NRXN3: variants seen among roughly 807,000 people sequenced by gnomAD.
NRXN3 encodes neurexin 3, also known as neurexin III.
In NRXN3, 32 loss-of-function variants were observed where a neutral mutation model predicts 137.6. That is an observed-to-expected ratio of 0.23 (90% CI 0.18 to 0.31). The LOEUF is 0.31. NRXN3 is among the 10% of genes least tolerant of loss of function. NRXN3 has a pLI of 1.00. For missense variants in NRXN3, 1,574 were observed against 2,062.5 expected, an observed-to-expected ratio of 0.76 and a Z score of 4.59; for synonymous variants, 798 against 784.5, an observed-to-expected ratio of 1.02 and a Z score of -0.29.
chr14:79,661,504 C>T (rs2098533565), intron 16 of NRXN3, among the ~76,000 whole-genome samples: 1 of 152,118 alleles, frequency 6.6e-6, no homozygotes, highest in Admixed American at 6.6e-5. Context: ...GGAAAGCCTT[C>T]ATTTTGGGAA....
At chr14:79,054,952 T>C (rs1040922599) in intron 15 of NRXN3, among the ~76,000 whole-genome samples, 33 of 152,202 alleles carry the variant, frequency 2.2e-4, no homozygotes, top group African/African-American at 7.7e-4. Context: ...TCAGTTAAAG[T>C]GGATGTTGTA....
rs77041468 is a variant in NRXN3, at chr14:79,327,236, C to T, written c.3263-139985C>T. 6.0e-3 allele frequency among the ~76,000 whole-genome samples: 914 copies of T among 152,224 alleles called. 6 individuals carry two copies. The highest frequency in any genetic ancestry group is 0.01 in the Non-Finnish European group (711 of 68,006). On this transcript the variant is annotated intron_variant, in intron 15 of 20. Transcript: ENST00000335750. ...GCATTTGCAGCTCCCCCAGAAATGC[C>T]GTAGCTTGGAGGAGCCTATTACTCA...
chr14:79,358,665 G>GA (rs760864782), intron 15 of NRXN3, among the ~76,000 whole-genome samples: 1 of 149,936 alleles, frequency 6.7e-6, no homozygotes, highest in African/African-American at 2.5e-5. Flanking sequence ...AAGAAAGAAA[G>GA]AAAGTGTCCT....
intron 4 of NRXN3, among the ~76,000 whole-genome samples, chr14:78,552,663 T>A (rs2096704219): frequency 6.6e-6 from 1 of 151,544 alleles, no homozygotes; most frequent in Non-Finnish European, 1.5e-5. Context: ...AAAATCTCTG[T>A]CTCCAATAAA....
intron 4 of NRXN3, among the ~76,000 whole-genome samples, chr14:78,634,868 G>A (rs72683565): frequency 0.077 from 11,642 of 152,030 alleles, 540 homozygotes; most frequent in Middle Eastern, 0.15. Context: ...AAATTAGTGG[G>A]GGTCAATTTT....
At chr14:78,597,883 C>T (rs2097170827) in intron 4 of NRXN3, among the ~76,000 whole-genome samples, 1 of 152,092 alleles carries the variant, frequency 6.6e-6, no homozygotes, top group Non-Finnish European at 1.5e-5. Context: ...CTAGTTGATC[C>T]CTCTTGGCAT....
intron 12 of NRXN3, among the ~76,000 whole-genome samples, 194 bp from the exon 13 acceptor site, chr14:78,967,014 T>A (rs1304204943): frequency 1.3e-5 from 2 of 152,142 alleles, no homozygotes; most frequent in African/African-American, 4.8e-5. Context: ...ACTCGATGAG[T>A]ATGGAATTAT....
At chr14:79,721,559 G>T (rs906003109) in intron 19 of NRXN3, among the ~76,000 whole-genome samples, 1 of 152,128 alleles carries the variant, frequency 6.6e-6, no homozygotes, top group African/African-American at 2.4e-5. Context: ...CTACGGGAAT[G>T]ATTAGGGGAA....
At chr14:79,859,789 C>A (rs576133343) in intron 20 of NRXN3, among the ~76,000 whole-genome samples, 1 of 152,162 alleles carries the variant, frequency 6.6e-6, no homozygotes, top group Non-Finnish European at 1.5e-5. Context: ...TCAACAATAA[C>A]GTCACATTAG....
At chr14:79,528,051 A>T (rs2097137764) in intron 16 of NRXN3, among the ~76,000 whole-genome samples, 1 of 152,108 alleles carries the variant, frequency 6.6e-6, no homozygotes, top group African/African-American at 2.4e-5. Flanking sequence ...TTTAGGAGAC[A>T]GATGAAAAAC....
At chr14:79,063,444 C>T (rs187513205) in intron 15 of NRXN3, among the ~76,000 whole-genome samples, 15 of 152,036 alleles carry the variant, frequency 9.9e-5, no homozygotes, top group South Asian at 2.1e-4. Context: ...CCACCATGCC[C>T]GGCTAATTTT....
chr14:79,773,270 A>G (rs2099085190), intron 19 of NRXN3, among the ~76,000 whole-genome samples: 2 of 152,120 alleles, frequency 1.3e-5, no homozygotes, highest in South Asian at 2.1e-4. Flanking sequence ...CAGCCATCCC[A>G]TTACTGGGTA....
At chr14:78,949,656 T>G (rs926825624) in intron 10 of NRXN3, among the ~76,000 whole-genome samples, 2 of 152,194 alleles carry the variant, frequency 1.3e-5, no homozygotes, top group Admixed American at 6.5e-5. Flanking sequence ...AATAAAATTT[T>G]TATTGAATTG....
At chr14:79,552,557 A>T (rs2097383661) in intron 16 of NRXN3, among the ~76,000 whole-genome samples, 1 of 152,208 alleles carries the variant, frequency 6.6e-6, no homozygotes, top group Admixed American at 6.6e-5. Flanking sequence ...CAGGATCCAC[A>T]CAAAATGGGA....
chr14:78,634,397 T>C (rs187578731), intron 4 of NRXN3, among the ~76,000 whole-genome samples: 88 of 152,318 alleles, frequency 5.8e-4, no homozygotes, highest in Admixed American at 2.9e-3. Flanking sequence ...AACAGGAGAT[T>C]TTGAAAAGGC....
chr14:78,912,727 G>A (rs193270383), intron 10 of NRXN3, among the ~76,000 whole-genome samples: 1 of 152,160 alleles, frequency 6.6e-6, no homozygotes, highest in South Asian at 2.1e-4. Context: ...ACCATTCAAA[G>A]TAAGATTATC....
intron 8 of NRXN3, among the ~76,000 whole-genome samples, chr14:78,718,563 A>G (rs988825391): frequency 6.6e-6 from 1 of 152,212 alleles, no homozygotes; most frequent in Non-Finnish European, 1.5e-5. Context: ...ATATGATACT[A>G]AGATTAATTT....
chr14:79,212,603 G>C (rs2067843535), intron 15 of NRXN3, among the ~76,000 whole-genome samples: 1 of 152,116 alleles, frequency 6.6e-6, no homozygotes, highest in Admixed American at 6.6e-5. Context: ...TTTTAAATGA[G>C]GCAGTTCTTC....
chr14:79,634,697 C>T (rs2098389651), intron 16 of NRXN3, among the ~76,000 whole-genome samples: 1 of 152,154 alleles, frequency 6.6e-6, no homozygotes, highest in South Asian at 2.1e-4. Context: ...CATCTGCCCC[C>T]AACAACTATG....
Sources: allele counts gnomAD v4.1 joint callset (sites outside exome capture counted in the v4.1 genomes callset), GRCh38; gene constraint gnomAD v4.1.1; transcripts MANE v1.5; gene names NCBI Gene and HGNC (gene_info 2026-07-23, HGNC 2026-07-21).